The following MTNR1B variants were observed in gnomAD, a reference collection of about 807,000 sequenced individuals.
The protein encoded by MTNR1B is melatonin receptor type 1B.
A neutral mutation model predicts 7.0 loss-of-function variants in MTNR1B; 7 were observed. The ratio of observed to expected loss-of-function variants is 1.00; its 90% CI spans 0.57 to 1.88. The LOEUF is 1.88. Ranked by LOEUF, MTNR1B falls within the 40% of genes most tolerant of loss-of-function variation. The pLI is 0.00. For synonymous variants in MTNR1B, 226 were observed against 208.2 expected, an observed-to-expected ratio of 1.09 and a Z score of -0.74; for missense variants, 478 against 486.5, an observed-to-expected ratio of 0.98 and a Z score of 0.16.
Position 92,982,780 on chromosome 11 carries a change from G to A in MTNR1B, c.*468G>A. Reference sequence around the variant, plus strand: ...GGCCTCAGGTGGGGCAGGTGCAGAGGGCAAGCATTCCACACTCCGCCATTG... The same window carrying A: ...GGCCTCAGGTGGGGCAGGTGCAGAGAGCAAGCATTCCACACTCCGCCATTG... On this transcript the variant is annotated 3_prime_UTR_variant, in exon 2 of 2. Coordinates refer to ENST00000257068, the MANE Select transcript of MTNR1B (RefSeq NM_005959.5). 1 of 197,072 alleles carries A rather than the reference G, an allele frequency of 5.1e-6. No individual in the cohort carries two copies. The highest frequency in any genetic ancestry group is 1.0e-5 in the Non-Finnish European group (1 of 96,268). The allele number at this position is 197,072 out of a possible 1,614,324, so 12.2% of individuals were successfully genotyped here.
chr11:92,983,409 A>G (rs1858151322), downstream of MTNR1B, among the ~76,000 whole-genome samples: 1 of 151,856 alleles, frequency 6.6e-6, no homozygotes, highest in African/African-American at 2.4e-5. Context: ...ACTACTCAGG[A>G]GGCTGAGGTG....
chr11:92,984,809 T>A, downstream of MTNR1B: 1 of 444,736 alleles, frequency 2.2e-6, no homozygotes, highest in Non-Finnish European at 4.5e-6. Flanking sequence ...ATCCATAGGT[T>A]TTTGGTGATA....
In MTNR1B at chr11:92,982,517, G is replaced by C. The variant is rs530534058; in HGVS notation, c.*205G>C. 3.9e-4 allele frequency: 240 copies of C among 618,802 alleles called. 3 individuals are homozygous for C. The South Asian group carries it at 4.9e-3, about 13-fold the overall frequency. The allele number at this position is 618,802 out of a possible 1,614,324, so 38.3% of individuals were successfully genotyped here. On this transcript the variant is annotated 3_prime_UTR_variant, in exon 2 of 2. Coordinates refer to ENST00000257068, the MANE Select transcript of MTNR1B (RefSeq NM_005959.5). Reference sequence around the variant, plus strand: ...TCCAGGAGATGCTCACAGGCCACAGGACCTGGAAAACACTCTTGGTGGTGT... The same window carrying C: ...TCCAGGAGATGCTCACAGGCCACAGCACCTGGAAAACACTCTTGGTGGTGT...
At chr11:92,980,843 C>G (rs1858092049) in intron 1 of MTNR1B, among the ~76,000 whole-genome samples, 1 of 152,200 alleles carries the variant, frequency 6.6e-6, no homozygotes, top group Non-Finnish European at 1.5e-5. Flanking sequence ...AATGGGAATA[C>G]CAGAAACACA....
At chr11:92,979,100 T>C (rs892726651) in intron 1 of MTNR1B, among the ~76,000 whole-genome samples, 2 of 152,194 alleles carry the variant, frequency 1.3e-5, no homozygotes, top group African/African-American at 2.4e-5. Context: ...AAGGAGCTCA[T>C]GTAGGAATAG....
chr11:92,981,884 C>T lies in MTNR1B; in HGVS notation c.661C>T (p.Leu221=), dbSNP rs1363010728. 1.2e-6 allele frequency: 2 copies of T among 1,614,206 alleles called. No individual in the cohort carries two copies. Among genetic ancestry groups the T allele is most frequent in the Non-Finnish European group, 1.7e-6 (2 of 1,180,038 alleles). The part of the protein sequence containing the change: ...LPIAVVSFCY[L]RIWVLVLQAR... ...TATCGCTGTCGTGTCCTTCTGCTACCTGCGCATCTGGGTGCTGGTGCTTCA... is the reference window on the plus strand; with the variant it reads ...TATCGCTGTCGTGTCCTTCTGCTACTTGCGCATCTGGGTGCTGGTGCTTCA... The change falls in exon 2 of 2, where the codon CTG becomes TTG. Residue 221 remains leucine (L), a synonymous_variant. Coordinates refer to ENST00000257068, the MANE Select transcript of MTNR1B (RefSeq NM_005959.5).
chr11:92,970,646 C>T (rs1340715440), intron 1 of MTNR1B, among the ~76,000 whole-genome samples: 1 of 152,130 alleles, frequency 6.6e-6, no homozygotes, highest in African/African-American at 2.4e-5. Flanking sequence ...CTATTTCAAT[C>T]CACTCTCATT....
At chr11:92,970,706 G>C (rs924550641) in intron 1 of MTNR1B, among the ~76,000 whole-genome samples, 3 of 152,160 alleles carry the variant, frequency 2.0e-5, no homozygotes, top group Admixed American at 1.3e-4. Flanking sequence ...AGAGTGGGGG[G>C]CAGTATCTGA....
intron 1 of MTNR1B, among the ~76,000 whole-genome samples, chr11:92,977,024 A>G (rs191189962): frequency 6.6e-6 from 1 of 152,346 alleles, no homozygotes; most frequent in African/African-American, 2.4e-5. Flanking sequence ...ATAAAATGTT[A>G]CCTATCAGAA....
chr11:92,972,478 T>C (rs1857946169), intron 1 of MTNR1B: 1 of 455,988 alleles, frequency 2.2e-6, no homozygotes, highest in African/African-American at 2.0e-5. Context: ...CTATCTGTAG[T>C]GTCTGTTGCT....
intron 1 of MTNR1B, among the ~76,000 whole-genome samples, chr11:92,977,964 C>CTT (rs1360925749): frequency 6.6e-6 from 1 of 152,178 alleles, no homozygotes; most frequent in African/African-American, 2.4e-5. Context: ...AGACCATAAA[C>CTT]TTTATAAGGG....
chr11:92,972,962 T>C (rs1857956452), intron 1 of MTNR1B, among the ~76,000 whole-genome samples: 1 of 152,120 alleles, frequency 6.6e-6, no homozygotes, highest in Non-Finnish European at 1.5e-5. Context: ...CAGCCAGACA[T>C]TTTAATGTAG....
intron 1 of MTNR1B, among the ~76,000 whole-genome samples, chr11:92,972,007 T>C (rs1857934359): frequency 6.6e-6 from 1 of 152,260 alleles, no homozygotes; most frequent in Non-Finnish European, 1.5e-5. Flanking sequence ...AACCAGTTCT[T>C]ATGTGACCTC....
At chr11:92,983,060 C>A (rs1326124804), downstream of MTNR1B, among the ~76,000 whole-genome samples, 2 of 151,496 alleles carry the variant, frequency 1.3e-5, no homozygotes, top group Non-Finnish European at 2.9e-5. Context: ...AGTCTCCTAA[C>A]CTCCCTGTTC....
At chr11:92,973,031 G>A (rs1342597412) in intron 1 of MTNR1B, among the ~76,000 whole-genome samples, 5 of 151,966 alleles carry the variant, frequency 3.3e-5, no homozygotes, top group East Asian at 1.9e-4. Flanking sequence ...TCCTCTGGGC[G>A]CCATTCTCTG....
rs367759317 is a variant in MTNR1B at position 92,981,626 on chromosome 11, G to A, written c.403G>A (p.Ala135Thr). ...CTCTGTCTTCAATATCACTGCCATC[G>A]CCATTAACCGCTACTGCTACATCTG... ...IGSVFNITAI[A>T]INRYCYICHS... The change falls in exon 2 of 2, where the codon GCC becomes ACC. Residue 135 changes from alanine (A) to threonine (T), a missense_variant. Physicochemically the swap from Ala to Thr is moderately conservative, Grantham distance 58. Transcript: ENST00000257068. 38 of 1,614,020 alleles carry A rather than the reference G, an allele frequency of 2.4e-5. No individual in the cohort carries two copies. The highest frequency in any genetic ancestry group is 1.6e-4 in the Middle Eastern group (1 of 6,084).
At chr11:92,977,397 A>T (rs1427201131) in intron 1 of MTNR1B, among the ~76,000 whole-genome samples, 1 of 152,252 alleles carries the variant, frequency 6.6e-6, no homozygotes, top group Non-Finnish European at 1.5e-5. Flanking sequence ...TATATGGTCA[A>T]TTATTTCAAA....
downstream of MTNR1B, among the ~76,000 whole-genome samples, chr11:92,983,520 GAA>G (rs1191133660): frequency 8.8e-3 from 883 of 100,210 alleles, 16 homozygotes; most frequent in African/African-American, 0.03. Flanking sequence ...CCCTGTCTCA[GAA>G]AAAAAAAAAA....
rs1054870968 is a variant in MTNR1B, at chr11:92,981,437, G to T, written c.224-10G>T. 6 of 1,608,270 alleles carry T rather than the reference G, an allele frequency of 3.7e-6. No individual in the cohort carries two copies. The highest frequency in any genetic ancestry group is 5.1e-6 in the Non-Finnish European group (6 of 1,176,306). On this transcript the variant is annotated splice_polypyrimidine_tract_variant and intron_variant, in intron 1 of 1. Coordinates refer to ENST00000257068, the MANE Select transcript of MTNR1B (RefSeq NM_005959.5). ...TCTCGTGCTGACTGTTGCTCTGTTTGCTGCTTCAGGTAATTTGTTCTTGGT... is the reference window on the plus strand; with the variant it reads ...TCTCGTGCTGACTGTTGCTCTGTTTTCTGCTTCAGGTAATTTGTTCTTGGT...
Sources: gnomAD v4.1 joint callset for allele counts (sites outside exome capture counted in the v4.1 genomes callset) on GRCh38, gnomAD v4.1.1 for gene constraint, MANE v1.5 for transcripts, NCBI Gene and HGNC (gene_info 2026-07-23, HGNC 2026-07-21) for gene names.